The following DNAAF9 variants were observed in gnomAD, a reference collection of about 807,000 sequenced individuals.
DNAAF9 encodes the protein dynein axonemal assembly factor 9, also known as shulin.
Under a neutral mutation model 167.0 loss-of-function variants are expected in DNAAF9, and 90 were observed. That is an observed-to-expected ratio of 0.54 (90% CI 0.45 to 0.64). The LOEUF (loss-of-function observed/expected upper bound fraction) is 0.64. Ranked by LOEUF, DNAAF9 falls within the 30% of genes least tolerant of loss-of-function variation. The pLI is 0.00. For missense variants in DNAAF9, 1,315 were observed against 1,442.2 expected, an observed-to-expected ratio of 0.91 and a Z score of 1.43; for synonymous variants, 491 against 508.8, an observed-to-expected ratio of 0.96 and a Z score of 0.47.
At chr20:3,371,024 C>T (rs954388391) in intron 6 of DNAAF9, among the ~76,000 whole-genome samples, 4 of 152,108 alleles carry the variant, frequency 2.6e-5, no homozygotes, top group Admixed American at 6.6e-5. Flanking sequence ...AATTTCCATT[C>T]TCTATTCTCC....
intron 5 of DNAAF9, 125 bp from the exon 6 acceptor site, chr20:3,374,279 T>C (rs2083547496): frequency 2.0e-6 from 1 of 508,512 alleles, no homozygotes; most frequent in Non-Finnish European, 3.5e-6. Flanking sequence ...CCTAGCAAAA[T>C]AAAATACAAA....
chr20:3,260,387 A>C (rs1459549673), intron 31 of DNAAF9, among the ~76,000 whole-genome samples: 1 of 152,214 alleles, frequency 6.6e-6, no homozygotes, highest in Admixed American at 6.5e-5. Flanking sequence ...ATTCTCCCTT[A>C]CATCTATGCC....
intron 6 of DNAAF9, among the ~76,000 whole-genome samples, chr20:3,364,941 TTTTTTC>T (rs1234679315): frequency 1.3e-4 from 2 of 15,402 alleles, no homozygotes; most frequent in African/African-American, 1.2e-3. Context: ...CTTCTTTTCC[TTTTTTC>T]TTTTTTTTTT....
At chr20:3,363,081 T>C (rs531048131) in intron 6 of DNAAF9, among the ~76,000 whole-genome samples, 1 of 152,026 alleles carries the variant, frequency 6.6e-6, no homozygotes, top group South Asian at 2.1e-4. Flanking sequence ...ATACAAAAAC[T>C]AGCCAGGTGT....
At chr20:3,313,269 T>C (rs1226460387) in intron 20 of DNAAF9, among the ~76,000 whole-genome samples, 1 of 152,212 alleles carries the variant, frequency 6.6e-6, no homozygotes, top group African/African-American at 2.4e-5. Flanking sequence ...CACCAGGATC[T>C]GGAGAGGCAG....
intron 10 of DNAAF9, 68 bp downstream of exon 10, chr20:3,340,436 C>A: frequency 2.1e-5 from 4 of 192,366 alleles, no homozygotes; most frequent in South Asian, 7.1e-5. Context: ...GTCTAGCTCC[C>A]CCCACCCACC....
intron 29 of DNAAF9, among the ~76,000 whole-genome samples, chr20:3,270,812 CTTTT>C (rs11297850): frequency 1.3e-4 from 18 of 138,518 alleles, no homozygotes; most frequent in African/African-American, 4.0e-4. Flanking sequence ...CTTCCTCTAT[CTTTT>C]TTTTTTTTTT....
intron 7 of DNAAF9, 92 bp from the exon 8 acceptor site, chr20:3,348,715 C>T: frequency 1.5e-6 from 1 of 674,166 alleles, no homozygotes; most frequent in South Asian, 2.2e-5. Context: ...TATCTCAAAA[C>T]ACCAGACCAT....
intron 29 of DNAAF9, among the ~76,000 whole-genome samples, chr20:3,276,450 C>T (rs537149025): frequency 6.6e-6 from 1 of 152,332 alleles, no homozygotes; most frequent in African/African-American, 2.4e-5. Context: ...GAGTTTAACA[C>T]ACATTGTCTT....
rs1227296253 is a variant in DNAAF9, at chr20:3,332,959, T to C, written c.982-598A>G. On this transcript the variant is annotated intron_variant, in intron 10 of 36. Transcript: ENST00000252032. ...TGTGGTTTAAACCTTGGCTATATTG[T>C]GAGGGTGCTGTTGGATACTCAGTTA... Among the ~76,000 whole-genome samples the C allele has an allele frequency of 2.0e-5, 3 of 150,784 alleles. No homozygotes were observed. The East Asian group carries it at 5.9e-4, about 30-fold the overall frequency.
intron 8 of DNAAF9, 79 bp from the exon 9 acceptor site, chr20:3,343,810 T>G (rs894181579): frequency 4.0e-6 from 4 of 1,010,646 alleles, no homozygotes; most frequent in Admixed American, 1.7e-5. Flanking sequence ...TATGTATGTA[T>G]GTACACACAT....
chr20:3,256,354 A>C (rs997688968), intron 33 of DNAAF9, 143 bp from the exon 34 acceptor site: 4 of 665,916 alleles, frequency 6.0e-6, no homozygotes. Flanking sequence ...GCAGCTTAGA[A>C]AGGATGGAGT....
intron 6 of DNAAF9, among the ~76,000 whole-genome samples, chr20:3,365,713 T>G (rs1328942212): frequency 6.6e-6 from 1 of 152,114 alleles, no homozygotes; most frequent in Non-Finnish European, 1.5e-5. Flanking sequence ...TTACCCACAG[T>G]AGAACTTTTT....
chr20:3,337,564 T>G (rs758184677), intron 10 of DNAAF9, among the ~76,000 whole-genome samples: 15 of 152,204 alleles, frequency 9.9e-5, no homozygotes, highest in Middle Eastern at 6.8e-3. Context: ...GTCAGTTAAT[T>G]CTCACATCTG....
chr20:3,368,803 C>G (rs552521302), intron 6 of DNAAF9, among the ~76,000 whole-genome samples: 4 of 151,864 alleles, frequency 2.6e-5, no homozygotes, highest in Non-Finnish European at 5.9e-5. Flanking sequence ...CAGGCATGAG[C>G]CACTGCGCCC....
chr20:3,401,797 G>C (rs2083988414), intron 1 of DNAAF9, among the ~76,000 whole-genome samples: 1 of 152,132 alleles, frequency 6.6e-6, no homozygotes, highest in African/African-American at 2.4e-5. Flanking sequence ...TGACCCTCTT[G>C]ACAATAAAGA....
chr20:3,279,318 TCTACCAGGGGCCTTTAATACCAAAG>T (rs1273292369), intron 28 of DNAAF9, among the ~76,000 whole-genome samples: 14 of 152,218 alleles, frequency 9.2e-5, no homozygotes, highest in African/African-American at 3.1e-4. Context: ...CTCATCTAAC[TCTACCAGGGGCCTTTAATACCAAAG>T]CTGCCATGCT....
In DNAAF9 at chr20:3,291,353, T is replaced by G. The variant is rs1045046048; in HGVS notation, c.2239-1136A>C. Among the ~76,000 whole-genome samples the G allele has an allele frequency of 9.3e-5, 14 of 150,850 alleles. 1 individual carries two copies. Among genetic ancestry groups the G allele is most frequent in the East Asian group, 5.8e-4 (3 of 5,166 alleles). On this transcript the variant is annotated intron_variant, in intron 25 of 36. Coordinates refer to ENST00000252032, the MANE Select transcript of DNAAF9 (RefSeq NM_001009984.3). ...CCTCTGTAAGTTTTTTTGTTTTTTT[T>G]TTTTTTTTTGAGACGGAGTCTCGCT...
chr20:3,338,014 T>C (rs912762758), intron 10 of DNAAF9, among the ~76,000 whole-genome samples: 88 of 147,914 alleles, frequency 5.9e-4, no homozygotes, highest in Non-Finnish European at 1.1e-3. Context: ...ATACATATTA[T>C]ATATTACGTT....
Sources: allele counts gnomAD v4.1 joint callset (sites outside exome capture counted in the v4.1 genomes callset), GRCh38; gene constraint gnomAD v4.1.1; transcripts MANE v1.5; gene names NCBI Gene and HGNC (gene_info 2026-07-23, HGNC 2026-07-21).